Variants in ATP8A2 observed in about 807,000 individuals in gnomAD.
The protein encoded by ATP8A2 is ATPase phospholipid transporting 8A2.
In ATP8A2, 100 loss-of-function variants were observed where a neutral mutation model predicts 165.6. The ratio of observed to expected loss-of-function variants is 0.60; its 90% CI spans 0.51 to 0.71. The LOEUF is 0.71. Ranked by LOEUF, ATP8A2 falls within the 30% of genes least tolerant of loss-of-function variation. The pLI, the probability that ATP8A2 is intolerant of heterozygous loss-of-function variation, is 0.00. For missense variants in ATP8A2, 1,227 were observed against 1,479.5 expected (o/e 0.83, Z 2.80); for synonymous variants, 543 against 548.8 (o/e 0.99, Z 0.15).
At chr13:25,744,347 C>T (rs61947346) in intron 25 of ATP8A2, among the ~76,000 whole-genome samples, 5,577 of 150,544 alleles carry the variant, frequency 0.037, 161 homozygotes, top group South Asian at 0.065. Flanking sequence ...GTATGTGCGC[C>T]CTTCTCTGTG....
At chr13:25,669,422 C>T (rs1374570274) in intron 24 of ATP8A2, among the ~76,000 whole-genome samples, 1 of 152,198 alleles carries the variant, frequency 6.6e-6, no homozygotes, top group Non-Finnish European at 1.5e-5. Flanking sequence ...CTAGTCTTTG[C>T]AGCTTAGTTC....
At chr13:25,509,539 A>G (rs2037154960) in intron 2 of ATP8A2, among the ~76,000 whole-genome samples, 1 of 152,120 alleles carries the variant, frequency 6.6e-6, no homozygotes, top group Non-Finnish European at 1.5e-5. Flanking sequence ...TTTCTGGATA[A>G]CGTGATGTAT....
chr13:25,783,435 T>C (rs773734165), intron 27 of ATP8A2, among the ~76,000 whole-genome samples: 3 of 152,256 alleles, frequency 2.0e-5, no homozygotes, highest in Non-Finnish European at 2.9e-5. Context: ...ATTCTCCAAG[T>C]CAAGAACTCT....
At chr13:25,898,564 G>A (rs187982148) in intron 33 of ATP8A2, among the ~76,000 whole-genome samples, 14 of 152,352 alleles carry the variant, frequency 9.2e-5, no homozygotes, top group African/African-American at 2.9e-4. Context: ...GTCAGACAGG[G>A]ACATTTAAGT....
At chr13:25,822,958 G>T (rs1951219087) in intron 27 of ATP8A2, among the ~76,000 whole-genome samples, 1 of 152,212 alleles carries the variant, frequency 6.6e-6, no homozygotes, top group Non-Finnish European at 1.5e-5. Flanking sequence ...AATTTATCAT[G>T]TGATAAGGGA....
intron 33 of ATP8A2, among the ~76,000 whole-genome samples, chr13:25,875,516 T>C (rs1319043493): frequency 6.6e-6 from 1 of 151,916 alleles, no homozygotes; most frequent in Non-Finnish European, 1.5e-5. Context: ...AGATGCCAAG[T>C]ATTTCAGCAT....
At chr13:26,015,950 A>G (rs115174557) in intron 36 of ATP8A2, among the ~76,000 whole-genome samples, 2,758 of 152,322 alleles carry the variant, frequency 0.018, 91 homozygotes, top group African/African-American at 0.063. Context: ...GCAGGTCTGT[A>G]TCTTCATCCG....
intron 24 of ATP8A2, among the ~76,000 whole-genome samples, chr13:25,664,869 G>A (rs923148776): frequency 1.3e-5 from 2 of 150,982 alleles, no homozygotes; most frequent in Non-Finnish European, 2.9e-5. Flanking sequence ...TCTTGAATGC[G>A]AGAGAGCTTT....
Position 25,574,792 on chromosome 13 carries a change from A to G in ATP8A2, c.1663-16A>G, listed in dbSNP as rs747983121. 16 of 1,515,754 alleles carry G rather than the reference A, an allele frequency of 1.1e-5. No homozygotes were observed. The highest frequency in any genetic ancestry group is 3.4e-5 in the Admixed American group (2 of 58,980). 93.9% of individuals were successfully genotyped at this position (1,515,754 alleles called of 1,614,324 possible). On this transcript the variant is annotated splice_polypyrimidine_tract_variant and intron_variant, in intron 18 of 36. Coordinates refer to ENST00000381655, the MANE Select transcript of ATP8A2 (RefSeq NM_016529.6). ...TACTTTGCACCTCGGTTAAGAGCCT[A>G]TTTTTCTTCCTTTAGATGGGACAGG...
chr13:26,018,784 G>A (rs1957036673), intron 36 of ATP8A2, among the ~76,000 whole-genome samples: 1 of 152,158 alleles, frequency 6.6e-6, no homozygotes, highest in South Asian at 2.1e-4. Context: ...GTGACCTTGG[G>A]CAGGTCACAA....
intron 25 of ATP8A2, among the ~76,000 whole-genome samples, chr13:25,725,054 A>T (rs2043463452): frequency 6.6e-6 from 1 of 152,116 alleles, no homozygotes; most frequent in Admixed American, 6.5e-5. Context: ...ATCTATCAGG[A>T]AGTGTAGCCT....
At chr13:25,757,994 C>A (rs1452526120) in intron 25 of ATP8A2, among the ~76,000 whole-genome samples, 1 of 152,150 alleles carries the variant, frequency 6.6e-6, no homozygotes, top group Non-Finnish European at 1.5e-5. Flanking sequence ...ATGAAGCCAC[C>A]ACAATGCCAT....
chr13:25,776,059 C>G (rs932659773), intron 27 of ATP8A2, among the ~76,000 whole-genome samples: 2 of 152,240 alleles, frequency 1.3e-5, no homozygotes, highest in African/African-American at 4.8e-5. Context: ...CCCAAGACAA[C>G]CGGGCCAAAA....
At chr13:25,777,952 G>C (rs1348090367) in intron 27 of ATP8A2, among the ~76,000 whole-genome samples, 1 of 152,188 alleles carries the variant, frequency 6.6e-6, no homozygotes, top group East Asian at 1.9e-4. Flanking sequence ...CTGTAGGTAT[G>C]GAGATATTTA....
chr13:25,774,700 CTG>C lies in ATP8A2; in HGVS notation c.2569-147_2569-146del, dbSNP rs1302444595. On this transcript the variant is annotated intron_variant, in intron 26 of 36. Transcript: ENST00000381655. ...CTTGTTCTCACTGGGCCTGAAAGCT[CTG>C]TCTTCAGAGAATGGTTTTCTGAGAT... The C allele has an allele frequency of 2.8e-5, 15 of 533,734 alleles. No homozygotes were observed. In the Admixed American group the frequency reaches 5.0e-4, roughly 18 times the overall value. 33.1% of individuals were successfully genotyped at this position (533,734 alleles called of 1,614,324 possible). A position where few individuals can be genotyped will look rare whatever the true frequency, so the allele number is the denominator to read the frequency against.
intron 35 of ATP8A2, among the ~76,000 whole-genome samples, chr13:25,995,530 G>T (rs1956480899): frequency 6.6e-6 from 1 of 151,270 alleles, no homozygotes; most frequent in Non-Finnish European, 1.5e-5. Flanking sequence ...TTTTTTATTT[G>T]TCTTAAGGCT....
intron 1 of ATP8A2, among the ~76,000 whole-genome samples, chr13:25,377,097 G>C (rs1204318433): frequency 1.3e-5 from 2 of 152,198 alleles, no homozygotes; most frequent in Admixed American, 6.5e-5. Flanking sequence ...AGAGGTGCCA[G>C]CTAGACAAAT....
intron 25 of ATP8A2, among the ~76,000 whole-genome samples, chr13:25,731,597 A>G (rs1320642320): frequency 2.6e-5 from 4 of 152,222 alleles, no homozygotes; most frequent in Non-Finnish European, 5.9e-5. Context: ...ACTAAATCCT[A>G]GAGTGCTGAT....
intron 33 of ATP8A2, among the ~76,000 whole-genome samples, chr13:25,936,361 T>C (rs1000279964): frequency 3.3e-5 from 5 of 152,226 alleles, no homozygotes; most frequent in Non-Finnish European, 7.3e-5. Context: ...GCCATGGGCC[T>C]GAGTGTCTGC....
Sources: gnomAD v4.1 joint callset for allele counts (sites outside exome capture counted in the v4.1 genomes callset) on GRCh38, gnomAD v4.1.1 for gene constraint, MANE v1.5 for transcripts, NCBI Gene and HGNC (gene_info 2026-07-23, HGNC 2026-07-21) for gene names.